DNAI4: variants seen among roughly 807,000 people sequenced by gnomAD.
The protein encoded by DNAI4 is dynein axonemal intermediate chain 4, also known as WD repeat domain 78.
Under a neutral mutation model 105.8 loss-of-function variants are expected in DNAI4, and 85 were observed. The observed-to-expected ratio is 0.80, with a 90% confidence interval of 0.67 to 0.96. The LOEUF (loss-of-function observed/expected upper bound fraction) is 0.96. Ranked by LOEUF, DNAI4 falls within the 40% of genes least tolerant of loss-of-function variation. The probability of loss-of-function intolerance (pLI) is 0.00; values close to 1 mark genes in which losing one functional copy is unlikely to be tolerated. For missense variants in DNAI4, 1,014 were observed against 1,005.6 expected (o/e 1.01, Z -0.11); for synonymous variants, 352 against 331.5 (o/e 1.06, Z -0.67).
chr1:66,861,705 T>C (rs757196536), intron 7 of DNAI4, among the ~76,000 whole-genome samples: 3 of 152,166 alleles, frequency 2.0e-5, no homozygotes, highest in Non-Finnish European at 4.4e-5. Flanking sequence ...CTCATAGTCA[T>C]GAAAAACAAG....
At chr1:66,893,837 A>G (rs1648074170) in intron 2 of DNAI4, among the ~76,000 whole-genome samples, 1 of 152,188 alleles carries the variant, frequency 6.6e-6, no homozygotes, top group Non-Finnish European at 1.5e-5. Flanking sequence ...GATTCAGTCA[A>G]CAATGGACCA....
chr1:66,862,439 T>C (rs138470343), intron 6 of DNAI4, 137 bp from the exon 7 acceptor site: 14,663 of 872,838 alleles, frequency 0.017, 172 homozygotes, highest in Middle Eastern at 0.026. Flanking sequence ...GCCAGCTACT[T>C]GGTCCACCTG....
chr1:66,888,490 C>G (rs562379609), intron 4 of DNAI4, among the ~76,000 whole-genome samples: 24 of 152,272 alleles, frequency 1.6e-4, no homozygotes, highest in African/African-American at 5.5e-4. Flanking sequence ...GTCAGCAGTT[C>G]AAGACCAGCC....
At chr1:66,835,520 T>G (rs1157606928) in intron 11 of DNAI4, 106 bp downstream of exon 11, 1 of 1,159,192 alleles carries the variant, frequency 8.6e-7, no homozygotes, top group East Asian at 2.4e-5. Context: ...AATAATGGTA[T>G]CACTCTCAGT....
At chr1:66,836,136 AAAGAAAAGAAAGAAAG>A (rs1557907808) in intron 10 of DNAI4, among the ~76,000 whole-genome samples, 2 of 143,620 alleles carry the variant, frequency 1.4e-5, no homozygotes, top group African/African-American at 5.3e-5. Flanking sequence ...AGAAAGAAAG[AAAGAAAAGAAAGAAAG>A]AAAGAAAGAA....
intron 10 of DNAI4, among the ~76,000 whole-genome samples, chr1:66,836,193 A>C (rs984644471): frequency 3.1e-5 from 2 of 64,218 alleles, no homozygotes; most frequent in Non-Finnish European, 7.3e-5. Context: ...AGAAAGAAAG[A>C]AAGAAAGAAA....
In DNAI4 at chr1:66,890,840, AAGGAAGAGGAAGAAGAAG is replaced by A. The variant is rs1425127686; in HGVS notation, c.643+296_643+313del. ...AAGAGGAAAAGAGGAAGAGGAAGAA[AAGGAAGAGGAAGAAGAAG>A]AGGAAGAGGAAGAAGAAGAAGAAGA... On this transcript the variant is annotated intron_variant, in intron 4 of 16. Coordinates refer to ENST00000371026, the MANE Select transcript of DNAI4 (RefSeq NM_024763.5). This position sits in a 1 kb window ranked among gnomAD's most constrained non-coding sequence, Gnocchi z 4.1. 6.0e-5 allele frequency: 22 copies of A among 364,796 alleles called. No homozygotes were observed. The highest frequency in any genetic ancestry group is 1.5e-4 in the East Asian group (2 of 13,390). 22.6% of individuals were successfully genotyped at this position (364,796 alleles called of 1,614,324 possible). A position where few individuals can be genotyped will look rare whatever the true frequency, so the allele number is the denominator to read the frequency against.
At chr1:66,848,010 C>T (rs1448752664) in intron 7 of DNAI4, 1 of 357,842 alleles carries the variant, frequency 2.8e-6, no homozygotes, top group East Asian at 7.8e-5. Flanking sequence ...TATTGCTATA[C>T]AGAAATACTA....
chr1:66,855,545 AAAG>A (rs2100570371), intron 7 of DNAI4, among the ~76,000 whole-genome samples: 2 of 152,380 alleles, frequency 1.3e-5, no homozygotes, highest in Admixed American at 1.3e-4. Context: ...CACACTAATC[AAAG>A]AAGCTGGAGT....
At chr1:66,856,135 A>G (rs1646495234) in intron 7 of DNAI4, among the ~76,000 whole-genome samples, 2 of 151,664 alleles carry the variant, frequency 1.3e-5, no homozygotes, top group African/African-American at 4.8e-5. Flanking sequence ...ACACCTGGCA[A>G]AAGATACACT....
intron 2 of DNAI4, among the ~76,000 whole-genome samples, chr1:66,895,079 T>C (rs547415142): frequency 1.3e-5 from 2 of 152,362 alleles, no homozygotes; most frequent in Admixed American, 1.3e-4. Context: ...TGTCTTCCAA[T>C]AAACTTTTAT....
chr1:66,834,279 A>G, intron 11 of DNAI4, 131 bp from the exon 12 acceptor site: 1 of 621,730 alleles, frequency 1.6e-6, no homozygotes, highest in Admixed American at 4.1e-5. Flanking sequence ...TTGTTCAAAA[A>G]TAGACTTTTA....
chr1:66,899,813 G>T (rs1241407931), intron 2 of DNAI4, among the ~76,000 whole-genome samples: 2 of 152,144 alleles, frequency 1.3e-5, no homozygotes, highest in African/African-American at 4.8e-5. Context: ...TTGTTCAACA[G>T]AATATCCTTT....
At chr1:66,815,410 G>T (rs928374014) in intron 16 of DNAI4, among the ~76,000 whole-genome samples, 3 of 151,940 alleles carry the variant, frequency 2.0e-5, no homozygotes, top group African/African-American at 4.8e-5. Flanking sequence ...TAAATCAATG[G>T]TTTATTTTTT....
chr1:66,857,491 AG>A (rs1283384065), intron 7 of DNAI4, among the ~76,000 whole-genome samples: 2 of 152,022 alleles, frequency 1.3e-5, no homozygotes, highest in African/African-American at 2.4e-5. Context: ...ATAATAAAAA[AG>A]AAAAAAAAAG....
At chr1:66,842,654 C>G (rs1646175410) in intron 8 of DNAI4, among the ~76,000 whole-genome samples, 1 of 152,146 alleles carries the variant, frequency 6.6e-6, no homozygotes, top group Non-Finnish European at 1.5e-5. Context: ...ACCTCAGCCT[C>G]CCAAAGTGCT....
intron 2 of DNAI4, 97 bp downstream of exon 2, chr1:66,905,104 T>G: frequency 2.0e-6 from 2 of 976,276 alleles, no homozygotes; most frequent in South Asian, 6.0e-5. Context: ...AAATTATGAG[T>G]GATTATCTGA....
chr1:66,863,235 A>C (rs939525231), intron 6 of DNAI4, among the ~76,000 whole-genome samples: 5 of 152,238 alleles, frequency 3.3e-5, no homozygotes, highest in South Asian at 2.1e-4. Flanking sequence ...GCGATCATGT[A>C]ACAATATATT....
In DNAI4 at chr1:66,893,121, G is replaced by GAAAC. The variant is rs1553227771; in HGVS notation, c.530+104_530+107dup. On this transcript the variant is annotated intron_variant, in intron 3 of 16. Transcript: ENST00000371026. ...AGAAAGAAAGAAAGAAAGAAAGAAA[G>GAAAC]AAACTGGGAGACTGGAGACAACTGA... 8.9e-5 allele frequency: 47 copies of GAAAC among 527,676 alleles called. No individual in the cohort carries two copies. The South Asian group carries it at 1.2e-3, about 14-fold the overall frequency. The allele number at this position is 527,676 out of a possible 1,614,324, so 32.7% of individuals were successfully genotyped here. A position where few individuals can be genotyped will look rare whatever the true frequency, so the allele number is the denominator to read the frequency against.
Sources: allele counts gnomAD v4.1 joint callset (sites outside exome capture counted in the v4.1 genomes callset), GRCh38; gene constraint gnomAD v4.1.1; non-coding constraint Gnocchi (gnomAD v3.1); transcripts MANE v1.5; gene names NCBI Gene and HGNC (gene_info 2026-07-23, HGNC 2026-07-21).